Variants in SHROOM3 observed in about 807,000 individuals in gnomAD.
SHROOM3 encodes the protein protein Shroom3.
A neutral mutation model predicts 138.6 loss-of-function variants in SHROOM3; 47 were observed. That is an observed-to-expected ratio of 0.34 (90% CI 0.27 to 0.43). The LOEUF (loss-of-function observed/expected upper bound fraction) is 0.43, where lower values mean the gene tolerates loss of function less well. Ranked by LOEUF, SHROOM3 falls within the 20% of genes least tolerant of loss-of-function variation. The pLI, the probability that SHROOM3 is intolerant of heterozygous loss-of-function variation, is 1.00. For missense variants in SHROOM3, 2,491 were observed against 2,596.5 expected (o/e 0.96, Z 0.88); for synonymous variants, 1,062 against 1,063.3 (o/e 1.00, Z 0.02).
chr4:76,506,371 G>A (rs1732212241), intron 1 of SHROOM3, among the ~76,000 whole-genome samples: 1 of 152,060 alleles, frequency 6.6e-6, no homozygotes, highest in Non-Finnish European at 1.5e-5. Flanking sequence ...AGGACTTAAA[G>A]TATGATAAAA....
intron 2 of SHROOM3, among the ~76,000 whole-genome samples, chr4:76,628,034 G>A (rs1284421067): frequency 6.6e-6 from 1 of 152,114 alleles, no homozygotes; most frequent in Admixed American, 6.5e-5. Context: ...TAGGCCTTTT[G>A]AAAATAGACA....
intron 1 of SHROOM3, among the ~76,000 whole-genome samples, chr4:76,519,309 G>A (rs1027076237): frequency 5.3e-5 from 8 of 152,154 alleles, no homozygotes; most frequent in Admixed American, 6.5e-5. Flanking sequence ...CCAAAAGATA[G>A]CATTTGCTGA....
intron 2 of SHROOM3, among the ~76,000 whole-genome samples, chr4:76,603,469 CT>C (rs1262393843): frequency 3.3e-5 from 5 of 152,070 alleles, no homozygotes; most frequent in African/African-American, 1.2e-4. Flanking sequence ...AAAAACCGTA[CT>C]TTGCAACTAA....
chr4:76,538,042 G>A (rs1222967140), intron 1 of SHROOM3, among the ~76,000 whole-genome samples: 1 of 152,004 alleles, frequency 6.6e-6, no homozygotes, highest in African/African-American at 2.4e-5. Context: ...TGAGTAGTTG[G>A]GATTACAGGC....
At chr4:76,715,743 C>G (rs1467389886) in intron 3 of SHROOM3, among the ~76,000 whole-genome samples, 2 of 152,186 alleles carry the variant, frequency 1.3e-5, no homozygotes, top group African/African-American at 4.8e-5. Context: ...CTCAATTGAA[C>G]AGCAAGGTTA....
chr4:76,472,274 T>TA (rs2109982687), intron 1 of SHROOM3, among the ~76,000 whole-genome samples: 1 of 152,312 alleles, frequency 6.6e-6, no homozygotes. Flanking sequence ...ATCTCTTAAA[T>TA]AAAAAATGTA....
At chr4:76,471,740 T>C (rs921462073) in intron 1 of SHROOM3, among the ~76,000 whole-genome samples, 1 of 152,188 alleles carries the variant, frequency 6.6e-6, no homozygotes, top group African/African-American at 2.4e-5. Context: ...TTAAACACCA[T>C]TTTTTGAACA....
chr4:76,496,621 G>A (rs369908698), intron 1 of SHROOM3, among the ~76,000 whole-genome samples: 12 of 152,158 alleles, frequency 7.9e-5, no homozygotes, highest in East Asian at 7.7e-4. Flanking sequence ...TATGTATTTC[G>A]ACTTGCTGTC....
chr4:76,556,442 T>C (rs1733486213), intron 2 of SHROOM3, among the ~76,000 whole-genome samples: 1 of 152,216 alleles, frequency 6.6e-6, no homozygotes, highest in South Asian at 2.1e-4. Context: ...CCCCATGAGA[T>C]AGCTAATCAC....
chr4:76,574,649 A>G (rs1003434332), intron 2 of SHROOM3, among the ~76,000 whole-genome samples: 1 of 152,232 alleles, frequency 6.6e-6, no homozygotes, highest in Non-Finnish European at 1.5e-5. Context: ...CTTAAAAGCA[A>G]AGGAAATTCT....
intron 3 of SHROOM3, among the ~76,000 whole-genome samples, chr4:76,727,392 C>T (rs34606362): frequency 6.6e-6 from 1 of 152,156 alleles, no homozygotes; most frequent in Non-Finnish European, 1.5e-5. Context: ...GGAAGGATTT[C>T]TAATCATTGG....
chr4:76,778,707 G>A, intron 10 of SHROOM3, 102 bp from the exon 11 acceptor site: 3 of 1,510,396 alleles, frequency 2.0e-6, no homozygotes, highest in South Asian at 2.3e-5. Flanking sequence ...TAGGAATAGA[G>A]CTTAGATATT....
chr4:76,590,882 CT>C (rs1734259797), intron 2 of SHROOM3, among the ~76,000 whole-genome samples: 1 of 152,090 alleles, frequency 6.6e-6, no homozygotes, highest in African/African-American at 2.4e-5. Flanking sequence ...ATTTTTCCCC[CT>C]CTGTAATAAT....
chr4:76,608,643 T>TTGGACAG (rs1577916061), intron 2 of SHROOM3, among the ~76,000 whole-genome samples: 18 of 18,294 alleles, frequency 9.8e-4, no homozygotes, highest in East Asian at 0.02. Flanking sequence ...TAGCATAGCA[T>TTGGACAG]AGCATAGCAT....
At chr4:76,457,513 G>A (rs1731052313) in intron 1 of SHROOM3, among the ~76,000 whole-genome samples, 1 of 148,398 alleles carries the variant, frequency 6.7e-6, no homozygotes. Context: ...TTTTTTTTGA[G>A]ATGGAGTCTC....
At chr4:76,504,700 C>T (rs563224546) in intron 1 of SHROOM3, among the ~76,000 whole-genome samples, 19 of 152,256 alleles carry the variant, frequency 1.2e-4, no homozygotes, top group Middle Eastern at 3.4e-3. Flanking sequence ...ATACATCCTC[C>T]CTGAAAGGGT....
intron 2 of SHROOM3, among the ~76,000 whole-genome samples, chr4:76,601,961 C>CT (rs1734516221): frequency 1.3e-5 from 2 of 152,220 alleles, no homozygotes; most frequent in Non-Finnish European, 2.9e-5. Context: ...CAAGGGTTCA[C>CT]TTCTCAGCTG....
At chr4:76,603,316 G>C (rs1469649483) in intron 2 of SHROOM3, among the ~76,000 whole-genome samples, 1 of 152,160 alleles carries the variant, frequency 6.6e-6, no homozygotes, top group Non-Finnish European at 1.5e-5. Context: ...TACTTGGGAG[G>C]CTGAGGCAGG....
intron 9 of SHROOM3, among the ~76,000 whole-genome samples, chr4:76,762,939 T>G (rs1315051554): frequency 1.3e-5 from 2 of 152,098 alleles, no homozygotes; most frequent in Non-Finnish European, 2.9e-5. Context: ...TTGAAGAATG[T>G]ATCGGTAGGA....
Sources: gnomAD v4.1 joint callset for allele counts (sites outside exome capture counted in the v4.1 genomes callset) on GRCh38, gnomAD v4.1.1 for gene constraint, MANE v1.5 for transcripts, NCBI Gene and HGNC (gene_info 2026-07-23, HGNC 2026-07-21) for gene names.